The following NAALADL2 variants were observed in gnomAD, a reference collection of about 807,000 sequenced individuals.
NAALADL2 encodes inactive N-acetylated-alpha-linked acidic dipeptidase-like protein 2.
A neutral mutation model predicts 87.2 loss-of-function variants in NAALADL2; 76 were observed. That is an observed-to-expected ratio of 0.87 (90% confidence interval 0.72 to 1.05). NAALADL2 has a LOEUF of 1.05. Ranked by LOEUF, NAALADL2 falls within the 50% of genes least tolerant of loss-of-function variation. The probability of loss-of-function intolerance (pLI) is 0.00; values close to 1 mark genes in which losing one functional copy is unlikely to be tolerated. For missense variants in NAALADL2, 1,089 were observed against 945.8 expected, an observed-to-expected ratio of 1.15 and a Z score of -1.99; for synonymous variants, 354 against 331.0, an observed-to-expected ratio of 1.07 and a Z score of -0.75.
At chr3:175,715,953 C>CTTCA (rs1400200417) in intron 11 of NAALADL2, among the ~76,000 whole-genome samples, 2 of 151,604 alleles carry the variant, frequency 1.3e-5, no homozygotes, top group South Asian at 2.1e-4. Flanking sequence ...TTTACAAATC[C>CTTCA]TTCATTCATT....
At chr3:175,221,284 A>T (rs1035575116) in intron 2 of NAALADL2, among the ~76,000 whole-genome samples, 10 of 151,988 alleles carry the variant, frequency 6.6e-5, no homozygotes, top group African/African-American at 2.4e-4. Flanking sequence ...AATTTCCAAG[A>T]AGCTAAGATT....
At chr3:175,321,680 TTA>T (rs1401271055) in intron 4 of NAALADL2, among the ~76,000 whole-genome samples, 1 of 115,684 alleles carries the variant, frequency 8.6e-6, no homozygotes, top group African/African-American at 3.8e-5. Context: ...ACAAGCATTC[TTA>T]TACACCAATA....
chr3:174,473,433 C>T (rs1717028914), intron 1 of NAALADL2, among the ~76,000 whole-genome samples: 1 of 152,152 alleles, frequency 6.6e-6, no homozygotes, highest in Non-Finnish European at 1.5e-5. Context: ...TAGGAATCAC[C>T]TGACCTTAAA....
chr3:174,853,734 C>A (rs894180118), intron 3 of NAALADL2, among the ~76,000 whole-genome samples: 1 of 152,038 alleles, frequency 6.6e-6, no homozygotes, highest in Non-Finnish European at 1.5e-5. Flanking sequence ...GAATAGACAT[C>A]TTGCAAAAGA....
In NAALADL2 at chr3:174,444,124, T is replaced by A. The variant is rs114838793; in HGVS notation, c.-184+3092T>A. Among the ~76,000 whole-genome samples, 1,497 of 152,062 alleles carry A rather than the reference T, an allele frequency of 9.8e-3. 32 individuals carry two copies. Among genetic ancestry groups the A allele is most frequent in the African/African-American group, 0.035 (1,440 of 41,500 alleles). On this transcript the variant is annotated intron_variant, in intron 1 of 3. Transcript: ENST00000434257. ...TGTGATACTAATGAGAAGGAGCCAA[T>A]AGAGAACAAAAAATTGATGATGCAG...
chr3:174,963,749 A>T (rs1742465300), intron 1 of NAALADL2, among the ~76,000 whole-genome samples: 1 of 152,214 alleles, frequency 6.6e-6, no homozygotes, highest in Non-Finnish European at 1.5e-5. Flanking sequence ...TGAAAAAGAC[A>T]GCTTAAAATC....
intron 5 of NAALADL2, among the ~76,000 whole-genome samples, chr3:175,325,758 A>G (rs1486521336): frequency 3.3e-5 from 5 of 152,200 alleles, no homozygotes; most frequent in Middle Eastern, 3.2e-3. Flanking sequence ...AGGAGTTTCA[A>G]CATCCTTTTT....
chr3:175,453,117 A>C (rs1220159691), intron 6 of NAALADL2, among the ~76,000 whole-genome samples: 1 of 152,152 alleles, frequency 6.6e-6, no homozygotes, highest in African/African-American at 2.4e-5. Flanking sequence ...CTACTTTTTC[A>C]ATATTTCTCA....
At chr3:174,716,850 A>G (rs1731240986) in intron 2 of NAALADL2, among the ~76,000 whole-genome samples, 1 of 152,160 alleles carries the variant, frequency 6.6e-6, no homozygotes, top group Non-Finnish European at 1.5e-5. Context: ...TATAATCAAT[A>G]TGTTATTGAA....
chr3:174,954,356 G>C (rs946801943), intron 1 of NAALADL2, among the ~76,000 whole-genome samples: 1 of 151,514 alleles, frequency 6.6e-6, no homozygotes, highest in Non-Finnish European at 1.5e-5. Context: ...TAAAAATTAA[G>C]TTATTAAATG....
chr3:175,564,853 T>G (rs1716852992), intron 9 of NAALADL2, among the ~76,000 whole-genome samples: 1 of 152,180 alleles, frequency 6.6e-6, no homozygotes. Context: ...CAGAGTACAG[T>G]TTTTGGAAAG....
At position 174,848,007 on chromosome 3, in the gene NAALADL2, C is replaced by CTTT. The variant is rs201813674; in HGVS notation, c.-9+110272_-9+110274dup. ...TAAGTATTCTAACTCTTTTCTCTCT[C>CTTT]TTTTTTTTTTTTTACTTCTTTGCTC... On this transcript the variant is annotated intron_variant, in intron 3 of 3. Transcript: ENST00000434257. 4.2e-3 allele frequency among the ~76,000 whole-genome samples: 533 copies of CTTT among 128,044 alleles called. 2 individuals carry two copies. The highest frequency in any genetic ancestry group is 0.026 in the Middle Eastern group (6 of 232). 84.0% of individuals were successfully genotyped at this position (128,044 alleles called of 152,430 possible). A position where few individuals can be genotyped will look rare whatever the true frequency, so the allele number is the denominator to read the frequency against.
chr3:175,200,579 A>T (rs1205047839), intron 2 of NAALADL2, among the ~76,000 whole-genome samples: 2 of 152,190 alleles, frequency 1.3e-5, no homozygotes, highest in African/African-American at 4.8e-5. Context: ...TACTAGAACA[A>T]CCATCCTCCC....
intron 3 of NAALADL2, among the ~76,000 whole-genome samples, chr3:174,830,365 A>G (rs1722526515): frequency 6.6e-6 from 1 of 152,154 alleles, no homozygotes; most frequent in African/African-American, 2.4e-5. Flanking sequence ...ACCATTTATT[A>G]AACAGGGAAT....
intron 5 of NAALADL2, among the ~76,000 whole-genome samples, chr3:175,409,775 T>C (rs2149086188): frequency 6.6e-6 from 1 of 152,172 alleles, no homozygotes; most frequent in East Asian, 1.9e-4. Flanking sequence ...GTTTTAGACA[T>C]ATTTAATGAT....
intron 13 of NAALADL2, among the ~76,000 whole-genome samples, chr3:175,791,972 C>T (rs142997433): frequency 2.4e-4 from 36 of 149,986 alleles, no homozygotes; most frequent in Middle Eastern, 7.0e-3. Flanking sequence ...ATTCTTTTCA[C>T]AATTAACTTT....
chr3:174,695,834 A>T (rs541572), intron 2 of NAALADL2, among the ~76,000 whole-genome samples: 83,659 of 151,646 alleles, frequency 0.55, 23,531 homozygotes, highest in East Asian at 0.84. Flanking sequence ...TATGCCCAAT[A>T]TCATCCAATA....
chr3:174,603,730 C>G (rs1478634123), intron 2 of NAALADL2, among the ~76,000 whole-genome samples: 2 of 151,906 alleles, frequency 1.3e-5, no homozygotes, highest in African/African-American at 2.4e-5. Flanking sequence ...AAACAGCCCT[C>G]TTAGTACTGA....
intron 11 of NAALADL2, among the ~76,000 whole-genome samples, chr3:175,640,565 T>C (rs2149757155): frequency 6.6e-6 from 1 of 152,308 alleles, no homozygotes; most frequent in African/African-American, 2.4e-5. Context: ...AATGATTGAT[T>C]CTGATTCCCA....
Sources: gnomAD v4.1 joint callset for allele counts (sites outside exome capture counted in the v4.1 genomes callset) on GRCh38, gnomAD v4.1.1 for gene constraint, MANE v1.5 for transcripts, NCBI Gene and HGNC (gene_info 2026-07-23, HGNC 2026-07-21) for gene names.